Variants in DSCAM observed in about 807,000 individuals in gnomAD.
The protein encoded by DSCAM is cell adhesion molecule DSCAM.
Under a neutral mutation model 217.7 loss-of-function variants are expected in DSCAM, and 47 were observed. The ratio of observed to expected loss-of-function variants is 0.22; its 90% CI spans 0.17 to 0.28. The LOEUF (loss-of-function observed/expected upper bound fraction) is 0.28. DSCAM is among the 10% of genes least tolerant of loss of function. The pLI, the probability that DSCAM is intolerant of heterozygous loss-of-function variation, is 1.00. For missense variants in DSCAM, 2,080 were observed against 2,618.3 expected, an observed-to-expected ratio of 0.79 and a Z score of 4.49; for synonymous variants, 1,056 against 1,015.3, an observed-to-expected ratio of 1.04 and a Z score of -0.76.
At chr21:40,029,110 A>G (rs577815127) in intron 32 of DSCAM, among the ~76,000 whole-genome samples, 2 of 151,814 alleles carry the variant, frequency 1.3e-5, no homozygotes, top group South Asian at 4.2e-4. Context: ...AAATAGCTGC[A>G]AAGTTTAACA....
chr21:40,067,455 C>G (rs1000894253), intron 27 of DSCAM, among the ~76,000 whole-genome samples: 2 of 152,182 alleles, frequency 1.3e-5, no homozygotes, highest in African/African-American at 4.8e-5. Flanking sequence ...AACCCCATGA[C>G]AGCTTCCCTA....
intron 3 of DSCAM, among the ~76,000 whole-genome samples, chr21:40,666,097 A>G (rs2090196341): frequency 6.6e-6 from 1 of 152,180 alleles, no homozygotes; most frequent in Non-Finnish European, 1.5e-5. Flanking sequence ...CAACAATTTA[A>G]TGGTAACCTG....
chr21:40,474,627 C>T (rs951582993), intron 3 of DSCAM, among the ~76,000 whole-genome samples: 2 of 152,188 alleles, frequency 1.3e-5, no homozygotes, highest in Non-Finnish European at 2.9e-5. Context: ...ATGCCGCTTC[C>T]ATTCTGGTGC....
intron 3 of DSCAM, among the ~76,000 whole-genome samples, chr21:40,552,748 T>C (rs1293673631): frequency 6.6e-6 from 1 of 152,220 alleles, no homozygotes; most frequent in Non-Finnish European, 1.5e-5. Flanking sequence ...ATATACACAA[T>C]GTTTATGTAT....
intron 3 of DSCAM, among the ~76,000 whole-genome samples, chr21:40,645,806 A>C (rs1460958498): frequency 6.6e-6 from 1 of 152,222 alleles, no homozygotes; most frequent in Non-Finnish European, 1.5e-5. Context: ...TCAATTTAGA[A>C]AAATGGAAAA....
chr21:40,146,729 C>T (rs2090361696), intron 16 of DSCAM, among the ~76,000 whole-genome samples: 2 of 152,148 alleles, frequency 1.3e-5, no homozygotes, highest in Non-Finnish European at 2.9e-5. Context: ...TCTGTTGGCT[C>T]GGAGTTAGAC....
chr21:40,132,098 T>C (rs975375978), intron 19 of DSCAM, among the ~76,000 whole-genome samples: 6 of 152,232 alleles, frequency 3.9e-5, no homozygotes, highest in African/African-American at 1.4e-4. Context: ...CCAGTGACAT[T>C]TGCATTATTG....
intron 26 of DSCAM, among the ~76,000 whole-genome samples, chr21:40,076,376 G>C (rs142006677): frequency 1.3e-5 from 2 of 152,086 alleles, no homozygotes; most frequent in African/African-American, 2.4e-5. Flanking sequence ...TCATTAAATG[G>C]AGGACTCTGA....
intron 32 of DSCAM, among the ~76,000 whole-genome samples, chr21:40,025,269 C>T (rs78177389): frequency 0.59 from 54,152 of 91,274 alleles, 17,169 homozygotes; most frequent in Middle Eastern, 0.64. Flanking sequence ...TGGATTCGGT[C>T]TGCCAGTATT....
At chr21:40,737,487 A>G (rs1247774046) in intron 1 of DSCAM, among the ~76,000 whole-genome samples, 7 of 152,140 alleles carry the variant, frequency 4.6e-5, no homozygotes, top group Admixed American at 4.6e-4. Flanking sequence ...AAAAAAATAC[A>G]AAAATTAGCT....
intron 32 of DSCAM, among the ~76,000 whole-genome samples, chr21:40,041,298 T>G (rs543070290): frequency 4.6e-5 from 7 of 152,190 alleles, no homozygotes; most frequent in Non-Finnish European, 8.8e-5. Flanking sequence ...CAGGCAACTA[T>G]TTCAGGGTGA....
At chr21:40,488,919 C>G (rs761801009) in intron 3 of DSCAM, among the ~76,000 whole-genome samples, 1 of 152,104 alleles carries the variant, frequency 6.6e-6, no homozygotes, top group African/African-American at 2.4e-5. Context: ...TCTGCAGCCA[C>G]GTGGAAAGAA....
At chr21:40,169,028 G>A (rs2090627401) in intron 15 of DSCAM, among the ~76,000 whole-genome samples, 1 of 152,046 alleles carries the variant, frequency 6.6e-6, no homozygotes, top group Non-Finnish European at 1.5e-5. Context: ...TAAATAGGGG[G>A]AAGCAAATGG....
chr21:40,815,568 T>C (rs928863601), intron 1 of DSCAM, among the ~76,000 whole-genome samples: 4 of 152,224 alleles, frequency 2.6e-5, no homozygotes, highest in African/African-American at 9.6e-5. Context: ...ACGTCCGTTT[T>C]CCAGATGAAA....
intron 11 of DSCAM, among the ~76,000 whole-genome samples, chr21:40,196,850 C>T (rs73904735): frequency 0.06 from 9,139 of 152,128 alleles, 870 homozygotes; most frequent in African/African-American, 0.2. Flanking sequence ...AAAACACTAG[C>T]CATGGAAATG....
At chr21:40,467,786 C>T (rs1402806304) in intron 3 of DSCAM, among the ~76,000 whole-genome samples, 2 of 151,852 alleles carry the variant, frequency 1.3e-5, no homozygotes, top group Non-Finnish European at 2.9e-5. Context: ...GGAATAAGGA[C>T]TAAAATGTCA....
chr21:40,226,327 T>C (rs1391746158), intron 11 of DSCAM, among the ~76,000 whole-genome samples: 1 of 152,226 alleles, frequency 6.6e-6, no homozygotes, highest in Non-Finnish European at 1.5e-5. Flanking sequence ...GACAATTCTT[T>C]GTAATTCAGT....
chr21:40,806,522 A>G (rs939898048), intron 1 of DSCAM, among the ~76,000 whole-genome samples: 7 of 152,244 alleles, frequency 4.6e-5, no homozygotes, highest in Non-Finnish European at 1.0e-4. Context: ...TTTATTTCCA[A>G]ATCCTAGAGG....
intron 3 of DSCAM, among the ~76,000 whole-genome samples, chr21:40,677,308 A>G (rs1324158857): frequency 6.6e-6 from 1 of 152,100 alleles, no homozygotes; most frequent in Non-Finnish European, 1.5e-5. Flanking sequence ...AATGCAATTT[A>G]GGTTGAAAAA....
Sources: gnomAD v4.1 joint callset for allele counts (sites outside exome capture counted in the v4.1 genomes callset) on GRCh38, gnomAD v4.1.1 for gene constraint, MANE v1.5 for transcripts, NCBI Gene and HGNC (gene_info 2026-07-23, HGNC 2026-07-21) for gene names.